The following SVEP1 variants were observed in gnomAD, a reference collection of about 807,000 sequenced individuals.
SVEP1 encodes the protein sushi, von Willebrand factor type A, EGF and pentraxin domain containing 1.
A neutral mutation model predicts 367.3 loss-of-function variants in SVEP1; 164 were observed. That is an observed-to-expected ratio of 0.45 (90% CI 0.39 to 0.51). The LOEUF is 0.51. Ranked by LOEUF, SVEP1 falls within the 20% of genes least tolerant of loss-of-function variation. The pLI is 0.00. For missense variants in SVEP1, 4,117 were observed against 4,425.3 expected, an observed-to-expected ratio of 0.93 and a Z score of 1.98; for synonymous variants, 1,666 against 1,611.6, an observed-to-expected ratio of 1.03 and a Z score of -0.81.
At chr9:110,459,242 C>T in intron 18 of SVEP1, 129 bp from the exon 19 acceptor site, 1 of 752,486 alleles carries the variant, frequency 1.3e-6, no homozygotes, top group South Asian at 3.0e-5. Context: ...ATATTTAATA[C>T]CCATACCATC....
chr9:110,528,952 G>T (rs956444963), intron 3 of SVEP1, among the ~76,000 whole-genome samples: 2 of 151,712 alleles, frequency 1.3e-5, no homozygotes, highest in African/African-American at 2.4e-5. Context: ...CTTTGCCTAG[G>T]TCAATGTCCA....
At position 110,411,857 on chromosome 9, in the gene SVEP1, T is replaced by G; in HGVS notation, c.5976-122A>C. The G allele has an allele frequency of 1.3e-5, 12 of 951,856 alleles. No homozygotes were observed. The South Asian group carries it at 2.4e-4, about 19-fold the overall frequency. The allele number at this position is 951,856 out of a possible 1,614,324, so 59.0% of individuals were successfully genotyped here. ...TTTAAATTTATCTTTAAAATAATAT[T>G]TCCTCTTTGAATACTGAGCTTATTG... is the stretch of plus-strand genomic sequence containing the variant. On this transcript the variant is annotated intron_variant, in intron 36 of 47. Coordinates refer to ENST00000374469, the MANE Select transcript of SVEP1 (RefSeq NM_153366.4).
In SVEP1 at chr9:110,411,172, C is replaced by T. The variant is rs750910200; in HGVS notation, c.6539G>A (p.Gly2180Glu). 5 of 1,613,986 alleles carry T rather than the reference C, an allele frequency of 3.1e-6. No individual in the cohort carries two copies. Among genetic ancestry groups the T allele is most frequent in the Non-Finnish European group, 4.2e-6 (5 of 1,179,890 alleles). Residue 2180 changes from glycine (G) to glutamate (E), a missense_variant, in exon 37 of 48, where the codon GGG becomes GAG. Gly to Glu is a moderately conservative substitution (Grantham distance 98, BLOSUM62 -2). Transcript: ENST00000374469. Reference sequence around the variant, plus strand: ...GGCTTCGCAGGTGCTCTTCTTTTCCCCTTTGATGTAGAACCCCTTGTTGCA... The same window carrying T: ...GGCTTCGCAGGTGCTCTTCTTTTCCTCTTTGATGTAGAACCCCTTGTTGCA... Reference protein sequence around the residue: ...YSCNKGFYIKGEKKSTCEATG... With the variant: ...YSCNKGFYIKEEKKSTCEATG...
At chr9:110,376,140 C>T (rs925902008) in intron 45 of SVEP1, among the ~76,000 whole-genome samples, 1 of 152,210 alleles carries the variant, frequency 6.6e-6, no homozygotes, top group Non-Finnish European at 1.5e-5. Context: ...CTTTGCATCA[C>T]CTAGGAGTTG....
chr9:110,532,616 T>C (rs1189341671), intron 3 of SVEP1, among the ~76,000 whole-genome samples: 4 of 152,188 alleles, frequency 2.6e-5, no homozygotes, highest in African/African-American at 7.2e-5. Context: ...ATATTTCTTC[T>C]AAAAGTTTTT....
At chr9:110,394,247 G>A (rs1028879023) in intron 40 of SVEP1, among the ~76,000 whole-genome samples, 3 of 152,136 alleles carry the variant, frequency 2.0e-5, no homozygotes, top group Non-Finnish European at 4.4e-5. Flanking sequence ...AGGCAAACAG[G>A]GTCTGGATTG....
At position 110,459,054 on chromosome 9, in the gene SVEP1, G is replaced by A. The variant is rs774826430; in HGVS notation, c.3382C>T (p.Arg1128Cys). 7 of 1,613,788 alleles carry A rather than the reference G, an allele frequency of 4.3e-6. No homozygotes were observed. The highest frequency in any genetic ancestry group is 1.1e-5 in the South Asian group (1 of 91,072). The change falls in exon 19 of 48, where the codon CGT becomes TGT. Residue 1128 changes from arginine to cysteine, a missense_variant. Transcript: ENST00000374469. Reference protein sequence around the residue: ...SGLMPCHPCPRDYYQPNAGKA... With the variant: ...SGLMPCHPCPCDYYQPNAGKA... Reference sequence around the variant, plus strand: ...CCTGCATTAGGTTGGTAATAGTCACGAGGACATGGGTGACAGGGCATTAAC... The same window carrying A: ...CCTGCATTAGGTTGGTAATAGTCACAAGGACATGGGTGACAGGGCATTAAC...
Position 110,466,001 on chromosome 9 carries a change from T to C in SVEP1, c.3186A>G (p.Ser1062=). ...ATTCACAAGTCTCAAGTCCACTGTATGAGTAGGTGCCTTGTTTACACTGAG... is the reference window on the plus strand; with the variant it reads ...ATTCACAAGTCTCAAGTCCACTGTACGAGTAGGTGCCTTGTTTACACTGAG... ...CKAQCKQGTY[S]YSGLETCESC... Residue 1062 remains serine (S), a synonymous_variant, in exon 18 of 48, where the codon TCA becomes TCG. Coordinates refer to ENST00000374469, the MANE Select transcript of SVEP1 (RefSeq NM_153366.4). The C allele has an allele frequency of 6.2e-7, 1 of 1,613,646 alleles. No individual in the cohort carries two copies. Among genetic ancestry groups the C allele is most frequent in the Middle Eastern group, 1.6e-4 (1 of 6,062 alleles).
chr9:110,558,057 T>C (rs970078583), intron 1 of SVEP1, among the ~76,000 whole-genome samples: 4 of 152,084 alleles, frequency 2.6e-5, no homozygotes, highest in East Asian at 3.8e-4. Flanking sequence ...GGCTATAATA[T>C]GGGACAGTGT....
intron 3 of SVEP1, among the ~76,000 whole-genome samples, chr9:110,536,777 A>G (rs1017641346): frequency 9.2e-5 from 14 of 151,916 alleles, no homozygotes. Flanking sequence ...TACATGTGCC[A>G]TGTTGGTGTG....
Position 110,560,781 on chromosome 9 carries a change from C to T in SVEP1, c.532-10677G>A, listed in dbSNP as rs186626639. On this transcript the variant is annotated intron_variant, in intron 1 of 47. Coordinates refer to ENST00000374469, the MANE Select transcript of SVEP1 (RefSeq NM_153366.4). ...ATCACATTTAGTAACCATCCAGATG[C>T]GTACATTTCCAAGTTATCTATCTAA... Among the ~76,000 whole-genome samples, 29 of 152,260 alleles carry T rather than the reference C, an allele frequency of 1.9e-4. No homozygotes were observed. In the East Asian group the frequency reaches 2.7e-3, roughly 14 times the overall value.
intron 11 of SVEP1, among the ~76,000 whole-genome samples, chr9:110,482,068 A>T (rs1829199657): frequency 6.6e-6 from 1 of 152,218 alleles, no homozygotes; most frequent in African/African-American, 2.4e-5. Flanking sequence ...TGTGCAGCAA[A>T]TATGTTTTCA....
intron 11 of SVEP1, among the ~76,000 whole-genome samples, chr9:110,481,670 T>TA (rs1399631452): frequency 6.6e-6 from 1 of 151,966 alleles, no homozygotes; most frequent in African/African-American, 2.4e-5. Flanking sequence ...CATATTTTTA[T>TA]AAAAAAGTTA....
intron 1 of SVEP1, among the ~76,000 whole-genome samples, chr9:110,551,008 G>A (rs1390190600): frequency 4.6e-5 from 7 of 152,072 alleles, no homozygotes; most frequent in Non-Finnish European, 8.8e-5. Context: ...AGATAAAGAA[G>A]CACCAGGGTA....
chr9:110,455,956 G>A (rs775256737), intron 21 of SVEP1, among the ~76,000 whole-genome samples: 1 of 152,180 alleles, frequency 6.6e-6, no homozygotes, highest in African/African-American at 2.4e-5. Context: ...TGGGGTAGGA[G>A]CACTTGGAAG....
At chr9:110,398,382 T>TAAAATCCCTAGAAGAAAACTTAGGC (rs1345829370) in intron 40 of SVEP1, among the ~76,000 whole-genome samples, 6 of 152,132 alleles carry the variant, frequency 3.9e-5, no homozygotes, top group African/African-American at 1.4e-4. Flanking sequence ...CCTAAAACCA[T>TAAAATCCCTAGAAGAAAACTTAGGC]AAAATCCCTA....
chr9:110,390,370 T>TATA (rs1406748869), intron 40 of SVEP1, among the ~76,000 whole-genome samples: 18 of 86,432 alleles, frequency 2.1e-4, no homozygotes, highest in African/African-American at 5.7e-4. Context: ...TATACTTATA[T>TATA]CTACTTATAT....
In SVEP1 at chr9:110,434,666, T is replaced by TAA. The variant is rs71371668; in HGVS notation, c.4889-162_4889-161dup. On this transcript the variant is annotated intron_variant, in intron 29 of 47. Coordinates refer to ENST00000374469, the MANE Select transcript of SVEP1 (RefSeq NM_153366.4). ...CCAGATCACTGGCAAGCAAAATCACTAAAAAAAAAAAAAAAAAAAAGCATT... is the reference window on the plus strand; with the variant it reads ...CCAGATCACTGGCAAGCAAAATCACTAAAAAAAAAAAAAAAAAAAAAAGCATT... Among the ~76,000 whole-genome samples the TAA allele has an allele frequency of 1.5e-3, 60 of 40,630 alleles. 6 individuals carry two copies. The highest frequency in any genetic ancestry group is 8.0e-3 in the South Asian group (5 of 624). 26.7% of individuals were successfully genotyped at this position (40,630 alleles called of 152,430 possible). A position where few individuals can be genotyped will look rare whatever the true frequency, so the allele number is the denominator to read the frequency against.
intron 2 of SVEP1, among the ~76,000 whole-genome samples, chr9:110,547,521 G>C (rs1830235079): frequency 6.6e-6 from 1 of 152,156 alleles, no homozygotes; most frequent in African/African-American, 2.4e-5. Flanking sequence ...GCTGCAGCGA[G>C]GTGTGATCAC....
Sources: gnomAD v4.1 joint callset for allele counts (sites outside exome capture counted in the v4.1 genomes callset) on GRCh38, gnomAD v4.1.1 for gene constraint, MANE v1.5 for transcripts, NCBI Gene and HGNC (gene_info 2026-07-23, HGNC 2026-07-21) for gene names.